ATXN7L1: variants seen among roughly 807,000 people sequenced by gnomAD.
The protein encoded by ATXN7L1 is ataxin-7-like protein 1.
A neutral mutation model predicts 70.8 loss-of-function variants in ATXN7L1; 15 were observed. That is an observed-to-expected ratio of 0.21 (90% CI 0.14 to 0.33). The LOEUF (loss-of-function observed/expected upper bound fraction) is 0.33. Ranked by LOEUF, ATXN7L1 falls within the 10% of genes least tolerant of loss-of-function variation. The probability of loss-of-function intolerance (pLI) is 1.00; values close to 1 mark genes in which losing one functional copy is unlikely to be tolerated. For synonymous variants in ATXN7L1, 440 were observed against 445.1 expected (o/e 0.99, Z 0.14); for missense variants, 975 against 1,097.1 (o/e 0.89, Z 1.57).
At chr7:105,619,140 G>GTTTTGTTTTTT (rs1794382228) in intron 9 of ATXN7L1, among the ~76,000 whole-genome samples, 2 of 49,846 alleles carry the variant, frequency 4.0e-5, no homozygotes, top group Non-Finnish European at 3.3e-5. Context: ...GAAATCTTTA[G>GTTTTGTTTTTT]TTTTTTTTTT....
rs924938920 is a variant in ATXN7L1 at position 105,645,971 on chromosome 7, T to C, written c.579-2850A>G. Among the ~76,000 whole-genome samples, 5 of 150,408 alleles carry C rather than the reference T, an allele frequency of 3.3e-5. No individual in the cohort carries two copies. In the South Asian group the frequency reaches 1.0e-3, roughly 32 times the overall value. ...GCAGTGCACTGAGATCATGCCACTG[T>C]ACTCCCACCCGGGCGACAGAGCGAG... On this transcript the variant is annotated intron_variant, in intron 4 of 11. Transcript: ENST00000419735.
intron 2 of ATXN7L1, among the ~76,000 whole-genome samples, chr7:105,827,855 G>T (rs927967287): frequency 6.6e-6 from 1 of 152,080 alleles, no homozygotes; most frequent in African/African-American, 2.4e-5. Flanking sequence ...CCCAGCAGTC[G>T]GGCTGCATCC....
At chr7:105,819,718 C>G in intron 2 of ATXN7L1, 1 of 848,544 alleles carries the variant, frequency 1.2e-6, no homozygotes, top group African/African-American at 1.7e-5. Context: ...TTCCGGGCCT[C>G]TAGCCGCACC....
chr7:105,752,201 T>C (rs138949791), intron 3 of ATXN7L1, among the ~76,000 whole-genome samples: 1 of 152,196 alleles, frequency 6.6e-6, no homozygotes, highest in African/African-American at 2.4e-5. Flanking sequence ...CTGAAACTCA[T>C]GTCACTTCTT....
intron 3 of ATXN7L1, among the ~76,000 whole-genome samples, chr7:105,680,961 A>G (rs1165580656): frequency 3.3e-5 from 5 of 152,106 alleles, no homozygotes; most frequent in African/African-American, 7.2e-5. Flanking sequence ...CTCCCTCCCT[A>G]TCTCAGGTGC....
chr7:105,796,102 C>T (rs777422239), intron 2 of ATXN7L1, among the ~76,000 whole-genome samples: 7 of 152,314 alleles, frequency 4.6e-5, no homozygotes, highest in African/African-American at 1.2e-4. Flanking sequence ...TGGTGGCTCA[C>T]GCCTGTAATC....
chr7:105,700,577 T>A (rs1373672746), intron 3 of ATXN7L1, among the ~76,000 whole-genome samples: 1 of 149,998 alleles, frequency 6.7e-6, no homozygotes, highest in Non-Finnish European at 1.5e-5. Flanking sequence ...AATGACCATA[T>A]CTGAGCCCCT....
chr7:105,700,336 T>TGA (rs535309281), intron 3 of ATXN7L1, among the ~76,000 whole-genome samples: 31,396 of 151,406 alleles, frequency 0.21, 3,444 homozygotes, highest in East Asian at 0.31. Context: ...TGAAACCCCA[T>TGA]CTCTACTAAA....
At position 105,609,779 on chromosome 7, in the gene ATXN7L1, AT is replaced by A. The variant is rs201582934; in HGVS notation, c.2547+749del. ...CTGGCTGGCAAGTCCCTTTTTTACA[AT>A]TTTTTTCTTGAGACACAGTCTCACT... On this transcript the variant is annotated intron_variant, in intron 11 of 11. Transcript: ENST00000419735. Among the ~76,000 whole-genome samples, 1,501 of 150,308 alleles carry A rather than the reference AT, an allele frequency of 1.0e-2. 21 individuals are homozygous for A. Among genetic ancestry groups the A allele is most frequent in the African/African-American group, 0.035 (1,435 of 40,808 alleles).
chr7:105,666,723 G>T (rs1802670719), intron 3 of ATXN7L1, among the ~76,000 whole-genome samples: 1 of 152,182 alleles, frequency 6.6e-6, no homozygotes, highest in Non-Finnish European at 1.5e-5. Flanking sequence ...AAGTTTACAG[G>T]GTGCTTTTTC....
chr7:105,698,827 T>A (rs1489455373), intron 3 of ATXN7L1, among the ~76,000 whole-genome samples: 2 of 152,216 alleles, frequency 1.3e-5, no homozygotes, highest in African/African-American at 4.8e-5. Context: ...TCAGCTATCT[T>A]TGCATGCTAG....
intron 2 of ATXN7L1, among the ~76,000 whole-genome samples, chr7:105,865,235 CTAT>C (rs1366999920): frequency 2.0e-5 from 3 of 152,124 alleles, no homozygotes; most frequent in Admixed American, 2.0e-4. Flanking sequence ...CTGATAGGTA[CTAT>C]TATTCCTACT....
intron 3 of ATXN7L1, among the ~76,000 whole-genome samples, chr7:105,783,399 C>T (rs1315549365): frequency 1.3e-5 from 2 of 152,196 alleles, no homozygotes; most frequent in African/African-American, 4.8e-5. Flanking sequence ...AAGAGCTTCT[C>T]AGACCCTTGG....
rs796316473 is a variant in ATXN7L1, at chr7:105,610,671, A to G, written c.2473-68T>C. 7.4e-6 allele frequency: 10 copies of G among 1,351,676 alleles called. No homozygotes were observed. The African/African-American group carries it at 1.3e-4, about 18-fold the overall frequency. 83.7% of individuals were successfully genotyped at this position (1,351,676 alleles called of 1,614,324 possible). On this transcript the variant is annotated intron_variant, in intron 10 of 11. Coordinates refer to ENST00000419735, the MANE Select transcript of ATXN7L1 (RefSeq NM_020725.2). ...CCTGGGAAGGGCCCGCCGATGCCAC[A>G]TGTTCTAGGGGAAAGAAGGGCTGCA...
chr7:105,669,779 C>A (rs574272969), intron 3 of ATXN7L1, among the ~76,000 whole-genome samples: 5 of 151,936 alleles, frequency 3.3e-5, no homozygotes, highest in African/African-American at 1.2e-4. Context: ...ATTAGCTGGG[C>A]GTGGTGGCGC....
chr7:105,717,477 T>C (rs1031542471), intron 3 of ATXN7L1, among the ~76,000 whole-genome samples: 2 of 152,232 alleles, frequency 1.3e-5, no homozygotes, highest in Admixed American at 6.5e-5. Flanking sequence ...GCCTATATTG[T>C]TTGTTATTCA....
intron 3 of ATXN7L1, among the ~76,000 whole-genome samples, chr7:105,730,624 C>A (rs530057221): frequency 6.6e-6 from 1 of 152,010 alleles, no homozygotes; most frequent in South Asian, 2.1e-4. Context: ...CCCAGCTACC[C>A]AGGAGGCTGA....
At chr7:105,698,873 C>T (rs1450599744) in intron 3 of ATXN7L1, among the ~76,000 whole-genome samples, 3 of 152,080 alleles carry the variant, frequency 2.0e-5, no homozygotes, top group Non-Finnish European at 2.9e-5. Context: ...GTTTTAAATA[C>T]GTGTTTTGCA....
chr7:105,624,399 C>T (rs1795371445), intron 7 of ATXN7L1, 132 bp from the exon 8 acceptor site: 2 of 931,392 alleles, frequency 2.1e-6, no homozygotes, highest in East Asian at 3.3e-5. Flanking sequence ...CGCCTGTAAT[C>T]CCGGCACTTT....
Sources: allele counts gnomAD v4.1 joint callset (sites outside exome capture counted in the v4.1 genomes callset), GRCh38; gene constraint gnomAD v4.1.1; transcripts MANE v1.5; gene names NCBI Gene and HGNC (gene_info 2026-07-23, HGNC 2026-07-21).